Variants in ZDHHC21 observed in about 807,000 individuals in gnomAD.
ZDHHC21 encodes the protein zDHHC palmitoyltransferase 21, also known as palmitoyltransferase ZDHHC21.
A neutral mutation model predicts 34.6 loss-of-function variants in ZDHHC21; 15 were observed. That is an observed-to-expected ratio of 0.43 (90% confidence interval 0.29 to 0.67). The LOEUF is 0.67. ZDHHC21 is among the 30% of genes least tolerant of loss of function. ZDHHC21 has a pLI of 0.14. For synonymous variants in ZDHHC21, 142 were observed against 101.8 expected (o/e 1.40, Z -2.38); for missense variants, 344 against 327.7 (o/e 1.05, Z -0.38).
chr9:14,656,612 G>A (rs777175405), intron 7 of ZDHHC21, among the ~76,000 whole-genome samples: 13 of 151,846 alleles, frequency 8.6e-5, no homozygotes, highest in South Asian at 2.1e-4. Context: ...AAAGTACACC[G>A]CTTGATACAA....
intron 8 of ZDHHC21, among the ~76,000 whole-genome samples, chr9:14,632,292 G>C (rs1206178490): frequency 6.6e-6 from 1 of 152,040 alleles, no homozygotes; most frequent in Non-Finnish European, 1.5e-5. Flanking sequence ...AGAGTTAAGA[G>C]TCCAGAAAAT....
chr9:14,594,048 G>C, the ZDHHC21 span: 2 of 152,150 alleles, frequency 1.3e-5, no homozygotes, highest in African/African-American at 4.8e-5. Flanking sequence ...CTAAGAAATG[G>C]ATAGCCCTCA....
At chr9:14,676,324 C>T (rs1487933517) in intron 3 of ZDHHC21, among the ~76,000 whole-genome samples, 1 of 129,018 alleles carries the variant, frequency 7.8e-6, no homozygotes, top group African/African-American at 2.7e-5. Flanking sequence ...CTACTTCATT[C>T]TAAGAACAAT....
At chr9:14,663,132 G>C (rs906324565) in intron 5 of ZDHHC21, among the ~76,000 whole-genome samples, 2 of 152,058 alleles carry the variant, frequency 1.3e-5, no homozygotes, top group Non-Finnish European at 2.9e-5. Flanking sequence ...TCCTAATTAG[G>C]TCCGCGAAAA....
chr9:14,655,136 T>C (rs908322829), intron 7 of ZDHHC21, among the ~76,000 whole-genome samples: 3 of 152,144 alleles, frequency 2.0e-5, no homozygotes, highest in East Asian at 1.9e-4. Flanking sequence ...ACATATTTCA[T>C]TGGAGTAACA....
chr9:14,633,782 C>T (rs2133617396), intron 8 of ZDHHC21, among the ~76,000 whole-genome samples: 1 of 152,294 alleles, frequency 6.6e-6, no homozygotes, highest in African/African-American at 2.4e-5. Context: ...TGTGGGCTGG[C>T]ACTGCCAGGC....
At chr9:14,597,207 C>A in the ZDHHC21 span, among the ~76,000 whole-genome samples, 1 of 152,100 alleles carries the variant, frequency 6.6e-6, no homozygotes, top group South Asian at 2.1e-4. Context: ...TTTGAGAGCT[C>A]AGCTCCCACC....
At chr9:14,626,202 G>A (rs1008751235) in intron 8 of ZDHHC21, among the ~76,000 whole-genome samples, 1 of 151,834 alleles carries the variant, frequency 6.6e-6, no homozygotes, top group African/African-American at 2.4e-5. Context: ...GAGATTCAGG[G>A]AATAATAATA....
intron 2 of ZDHHC21, among the ~76,000 whole-genome samples, chr9:14,685,503 C>G (rs13293087): frequency 0.93 from 141,764 of 151,706 alleles, 66,306 homozygotes; most frequent in Non-Finnish European, 0.96. Flanking sequence ...ACCACAATGA[C>G]ATACCATCTC....
intron 8 of ZDHHC21, among the ~76,000 whole-genome samples, chr9:14,624,913 C>G (rs568482913): frequency 6.6e-6 from 1 of 152,108 alleles, no homozygotes; most frequent in Non-Finnish European, 1.5e-5. Context: ...TACCCCATAA[C>G]TATGTACAAT....
At chr9:14,666,735 G>A (rs1410701292) in intron 5 of ZDHHC21, among the ~76,000 whole-genome samples, 1 of 80,308 alleles carries the variant, frequency 1.2e-5, no homozygotes, top group Non-Finnish European at 2.7e-5. Flanking sequence ...TGAACAACCT[G>A]CTCCTGAATG....
At chr9:14,691,467 C>A (rs1417412796) in intron 1 of ZDHHC21, among the ~76,000 whole-genome samples, 1 of 152,144 alleles carries the variant, frequency 6.6e-6, no homozygotes, top group Non-Finnish European at 1.5e-5. Flanking sequence ...CTGAATCGGT[C>A]ATTACGAATT....
chr9:14,645,326 A>C (rs576744892), intron 7 of ZDHHC21, among the ~76,000 whole-genome samples: 1 of 152,236 alleles, frequency 6.6e-6, no homozygotes, highest in East Asian at 1.9e-4. Flanking sequence ...CATGATTAGG[A>C]GAAAGATGGC....
At chr9:14,665,200 T>C (rs1177953972) in intron 5 of ZDHHC21, among the ~76,000 whole-genome samples, 2 of 137,564 alleles carry the variant, frequency 1.5e-5, no homozygotes, top group Non-Finnish European at 3.1e-5. Context: ...ACGTGAAGAA[T>C]GCAGAAGCCT....
chr9:14,594,438 A>C, the ZDHHC21 span, among the ~76,000 whole-genome samples: 1 of 152,224 alleles, frequency 6.6e-6, no homozygotes, highest in African/African-American at 2.4e-5. Flanking sequence ...AAATTTGCCA[A>C]AACAATTCAA....
chr9:14,589,462 G>C, the ZDHHC21 span: 2 of 152,138 alleles, frequency 1.3e-5, no homozygotes, highest in Non-Finnish European at 2.9e-5. Flanking sequence ...AAGCAGAGTA[G>C]TAGTTTCACT....
At chr9:14,659,832 C>T (rs1360881519) in intron 6 of ZDHHC21, among the ~76,000 whole-genome samples, 9 of 152,010 alleles carry the variant, frequency 5.9e-5, no homozygotes, top group Admixed American at 5.9e-4. Context: ...ATCTACTGTG[C>T]TTTGTTATTT....
At chr9:14,598,057 T>C in the ZDHHC21 span, among the ~76,000 whole-genome samples, 1 of 152,088 alleles carries the variant, frequency 6.6e-6, no homozygotes, top group Non-Finnish European at 1.5e-5. Context: ...AAGCCATGCA[T>C]ACTGACCAAA....
At chr9:14,594,257 A>G in the ZDHHC21 span, 2 of 152,202 alleles carry the variant, frequency 1.3e-5, no homozygotes, top group Non-Finnish European at 2.9e-5. Flanking sequence ...CAAAGGACCT[A>G]AGATAGGTAA....
Sources: allele counts gnomAD v4.1 joint callset (sites outside exome capture counted in the v4.1 genomes callset), GRCh38; gene constraint gnomAD v4.1.1; transcripts MANE v1.5; gene names NCBI Gene and HGNC (gene_info 2026-07-23, HGNC 2026-07-21).